MTUS1: variants seen among roughly 807,000 people sequenced by gnomAD.
The protein encoded by MTUS1 is microtubule associated scaffold protein 1.
A neutral mutation model predicts 120.8 loss-of-function variants in MTUS1; 109 were observed. The observed-to-expected ratio is 0.90, with a 90% CI of 0.77 to 1.06. The LOEUF (loss-of-function observed/expected upper bound fraction) is 1.06. Among genes scored for constraint, MTUS1 ranks in the 50% least tolerant of loss-of-function variants. The pLI is 0.00. For synonymous variants in MTUS1, 737 were observed against 550.5 expected (o/e 1.34, Z -4.74); for missense variants, 2,210 against 1,486.3 (o/e 1.49, Z -8.01).
At chr8:17,759,201 A>C (rs1388076932) in intron 1 of MTUS1, among the ~76,000 whole-genome samples, 1 of 152,086 alleles carries the variant, frequency 6.6e-6, no homozygotes, top group African/African-American at 2.4e-5. Context: ...TTTTTAAATA[A>C]GTATGTAAGA....
At chr8:17,705,486 A>G (rs909953048) in intron 6 of MTUS1, among the ~76,000 whole-genome samples, 8 of 152,222 alleles carry the variant, frequency 5.3e-5, no homozygotes, top group Non-Finnish European at 1.2e-4. Context: ...TCACTGTCTC[A>G]AGAAGATTTA....
intron 6 of MTUS1, among the ~76,000 whole-genome samples, chr8:17,706,712 A>C (rs1462823634): frequency 1.3e-5 from 2 of 152,228 alleles, no homozygotes; most frequent in East Asian, 3.8e-4. Context: ...TTGAAAGTTG[A>C]AAGTGCTAAT....
At position 17,743,856 on chromosome 8, in the gene MTUS1, T is replaced by A. The variant is rs1229572092; in HGVS notation, c.2092-57A>T. The A allele has an allele frequency of 2.0e-6, 3 of 1,465,084 alleles. No individual in the cohort carries two copies. In the East Asian group the frequency reaches 6.8e-5, roughly 33 times the overall value. 90.8% of individuals were successfully genotyped at this position (1,465,084 alleles called of 1,614,324 possible). ...AAACTAAAATTCTAAGCCCCCCAAC[T>A]GACTGAATGGGCCCCTCCTCTAGGC... On this transcript the variant is annotated intron_variant, in intron 2 of 14. Transcript: ENST00000693296.
chr8:17,704,917 C>T (rs1270070814), intron 6 of MTUS1, among the ~76,000 whole-genome samples: 2 of 152,190 alleles, frequency 1.3e-5, no homozygotes, highest in Non-Finnish European at 2.9e-5. Context: ...CAGAGCTCTA[C>T]ACAGAGTATG....
At chr8:17,751,823 A>C (rs1257360352) in intron 2 of MTUS1, among the ~76,000 whole-genome samples, 1 of 146,234 alleles carries the variant, frequency 6.8e-6, no homozygotes, top group Non-Finnish European at 1.5e-5. Flanking sequence ...TTGCCACTGC[A>C]CTCCAGCCTG....
intron 3 of MTUS1, 60 bp downstream of exon 3, chr8:17,743,544 C>A (rs1411340785): frequency 3.3e-6 from 5 of 1,513,094 alleles, no homozygotes; most frequent in Non-Finnish European, 4.5e-6. Context: ...GACCTATAAT[C>A]ATGACTGTCC....
At chr8:17,704,944 G>C (rs1819861691) in intron 6 of MTUS1, among the ~76,000 whole-genome samples, 1 of 152,096 alleles carries the variant, frequency 6.6e-6, no homozygotes, top group South Asian at 2.1e-4. Flanking sequence ...TATAACCTCA[G>C]TTTGTTCTTT....
intron 7 of MTUS1, among the ~76,000 whole-genome samples, chr8:17,681,881 G>A (rs1814593364): frequency 3.3e-5 from 5 of 151,854 alleles, no homozygotes; most frequent in South Asian, 2.1e-4. Flanking sequence ...TTTTAATAAC[G>A]TATTTTATTT....
chr8:17,709,506 C>G (rs1018523999), intron 6 of MTUS1, among the ~76,000 whole-genome samples: 30 of 152,182 alleles, frequency 2.0e-4, no homozygotes, highest in African/African-American at 6.5e-4. Flanking sequence ...AGGACTGCAT[C>G]CTTAACACCT....
intron 3 of MTUS1, among the ~76,000 whole-genome samples, chr8:17,737,179 C>T (rs1185521144): frequency 6.6e-6 from 1 of 152,140 alleles, no homozygotes; most frequent in South Asian, 2.1e-4. Context: ...GCCAGAACAC[C>T]CGGCCCATTT....
At chr8:17,700,870 AAGTC>A (rs1467057405) in intron 6 of MTUS1, among the ~76,000 whole-genome samples, 1 of 151,492 alleles carries the variant, frequency 6.6e-6, no homozygotes, top group Non-Finnish European at 1.5e-5. Flanking sequence ...AATGTTTCAT[AAGTC>A]AGTATGTTGT....
intron 7 of MTUS1, among the ~76,000 whole-genome samples, chr8:17,680,676 G>A (rs939468954): frequency 1.3e-5 from 2 of 152,008 alleles, no homozygotes; most frequent in South Asian, 2.1e-4. Flanking sequence ...TTCCTCTAGC[G>A]TTGGATCAAC....
At chr8:17,749,476 T>G (rs944166027) in intron 2 of MTUS1, among the ~76,000 whole-genome samples, 1 of 151,576 alleles carries the variant, frequency 6.6e-6, no homozygotes, top group Non-Finnish European at 1.5e-5. Context: ...CTGGCCAACA[T>G]GAGGAAAGCC....
intron 1 of MTUS1, among the ~76,000 whole-genome samples, chr8:17,780,126 T>C (rs1441075402): frequency 6.6e-6 from 1 of 152,098 alleles, no homozygotes; most frequent in East Asian, 1.9e-4. Context: ...CATCTGGTTG[T>C]TGAAACTGTG....
chr8:17,724,412 A>G (rs2046072381), intron 3 of MTUS1, among the ~76,000 whole-genome samples: 1 of 152,168 alleles, frequency 6.6e-6, no homozygotes, highest in African/African-American at 2.4e-5. Context: ...CAGGAAGAAA[A>G]ATGCAATTTG....
intron 1 of MTUS1, among the ~76,000 whole-genome samples, chr8:17,764,925 A>T (rs893185075): frequency 6.6e-6 from 1 of 152,152 alleles, no homozygotes; most frequent in Non-Finnish European, 1.5e-5. Context: ...ATTACTGTAC[A>T]CTTTATTTCT....
At chr8:17,725,998 T>C (rs1249923338) in intron 3 of MTUS1, among the ~76,000 whole-genome samples, 1 of 152,176 alleles carries the variant, frequency 6.6e-6, no homozygotes, top group East Asian at 1.9e-4. Context: ...CCTCAGGCCA[T>C]GCCTCTACCC....
At chr8:17,702,933 T>G (rs1819391561) in intron 6 of MTUS1, among the ~76,000 whole-genome samples, 5 of 152,190 alleles carry the variant, frequency 3.3e-5, no homozygotes, top group Admixed American at 6.5e-5. Context: ...AAAATACTCT[T>G]ATAATTTCTT....
In MTUS1 at chr8:17,646,093, CCTT is replaced by C. The variant is rs778395314; in HGVS notation, c.3643_3645del (p.Lys1215del). 10 of 1,613,256 alleles carry C rather than the reference CCTT, an allele frequency of 6.2e-6. No homozygotes were observed. Among genetic ancestry groups the C allele is most frequent in the East Asian group, 2.2e-5 (1 of 44,874 alleles). On this transcript the variant is annotated inframe_deletion, in exon 15 of 15. Transcript: ENST00000693296. ...GAGAGTCGCTTGTTGACTTTCGACT[CCTT>C]CTCCAGCGACTCTTGCAGAACAGCC... is the stretch of plus-strand genomic sequence containing the variant.
Sources: allele counts gnomAD v4.1 joint callset (sites outside exome capture counted in the v4.1 genomes callset), GRCh38; gene constraint gnomAD v4.1.1; transcripts MANE v1.5; gene names NCBI Gene and HGNC (gene_info 2026-07-23, HGNC 2026-07-21).